Variants in COL10A1 observed in about 807,000 individuals in gnomAD.
The protein encoded by COL10A1 is collagen type X alpha 1 chain.
A neutral mutation model predicts 18.2 loss-of-function variants in COL10A1; 10 were observed. The observed-to-expected ratio is 0.55, with a 90% CI of 0.34 to 0.93. The LOEUF is 0.93. Among genes scored for constraint, COL10A1 ranks in the 40% least tolerant of loss-of-function variants. The pLI is 0.02. For missense variants in COL10A1, 897 were observed against 853.5 expected, an observed-to-expected ratio of 1.05 and a Z score of -0.64; for synonymous variants, 330 against 316.6, an observed-to-expected ratio of 1.04 and a Z score of -0.45.
the COL10A1 span, among the ~76,000 whole-genome samples, chr6:116,199,122 G>A: frequency 1.3e-5 from 2 of 151,880 alleles, no homozygotes; most frequent in Admixed American, 1.3e-4. Context: ...GGGGGTGAGG[G>A]GAGCTAAATC....
At chr6:116,162,953 C>T (rs1220312266), upstream of COL10A1, among the ~76,000 whole-genome samples, 1 of 151,624 alleles carries the variant, frequency 6.6e-6, no homozygotes, top group African/African-American at 2.4e-5. Flanking sequence ...TGGTGAAACC[C>T]CGTCTCTACT....
At chr6:116,125,531 T>A in intron 1 of COL10A1, 24 bp from the exon 2 acceptor site, 2 of 1,601,620 alleles carry the variant, frequency 1.2e-6, no homozygotes, top group Non-Finnish European at 1.7e-6. Context: ...AAGAATAACT[T>A]TATACAGCAT....
chr6:116,158,148 T>C (rs943441409), intron 1 of COL10A1, among the ~76,000 whole-genome samples: 1 of 152,204 alleles, frequency 6.6e-6, no homozygotes, highest in Admixed American at 6.5e-5. Context: ...ATTACTACAG[T>C]TTTTATTACA....
chr6:116,121,072 T>C lies in COL10A1; in HGVS notation c.1044A>G (p.Pro348=), dbSNP rs1395923208. 6.2e-7 allele frequency: 1 copy of C among 1,614,084 alleles called. No homozygotes were observed. Among genetic ancestry groups the C allele is most frequent in the Admixed American group, 1.7e-5 (1 of 60,034 alleles). Reference sequence around the variant, plus strand: ...GACCATGGCTACCCGGGATGCCTTTTGGTCCTTGGGGTCCCATATTCCCAG... The same window carrying C: ...GACCATGGCTACCCGGGATGCCTTTCGGTCCTTGGGGTCCCATATTCCCAG... ...GPPGNMGPQG[P]KGIPGSHGLP... is the part of the protein sequence containing the mutation. Residue 348 remains proline, a synonymous_variant, in exon 3 of 3, where the codon CCA becomes CCG. Transcript: ENST00000651968.
chr6:116,155,700 C>T (rs1166908744), intron 1 of COL10A1, among the ~76,000 whole-genome samples: 1 of 141,858 alleles, frequency 7.0e-6, no homozygotes, highest in Non-Finnish European at 1.5e-5. Context: ...CTAAAGGGCA[C>T]TGGGTGAATA....
the COL10A1 span, among the ~76,000 whole-genome samples, chr6:116,214,037 T>C: frequency 6.6e-6 from 1 of 152,126 alleles, no homozygotes; most frequent in Non-Finnish European, 1.5e-5. Flanking sequence ...TTCTTCTCCA[T>C]AATTTAATGA....
chr6:116,186,803 T>A, the COL10A1 span, among the ~76,000 whole-genome samples: 13 of 152,084 alleles, frequency 8.5e-5, no homozygotes, highest in Admixed American at 8.5e-4. Flanking sequence ...TTTTTTGATT[T>A]CTTTAAGTTG....
At chr6:116,135,028 T>G (rs2114342682) in intron 1 of COL10A1, among the ~76,000 whole-genome samples, 1 of 152,284 alleles carries the variant, frequency 6.6e-6, no homozygotes, top group East Asian at 1.9e-4. Flanking sequence ...ACTTTCCCAT[T>G]ATCTTTTACT....
the COL10A1 span, among the ~76,000 whole-genome samples, chr6:116,167,692 C>T: frequency 8.7e-4 from 132 of 152,196 alleles, no homozygotes; most frequent in African/African-American, 2.9e-3. Context: ...GGCAATGTTT[C>T]GGCTCAGTGA....
the COL10A1 span, among the ~76,000 whole-genome samples, chr6:116,204,768 T>C: frequency 2.1e-3 from 312 of 152,108 alleles, 6 homozygotes; most frequent in East Asian, 0.024. Context: ...GTTTCTAGAA[T>C]GTAAGGTCTA....
rs1165682613 is a variant in COL10A1 at position 116,119,059 on chromosome 6, G to A, written c.*1014C>T. 1.3e-5 allele frequency: 2 copies of A among 152,644 alleles called. No individual in the cohort carries two copies. The highest frequency in any genetic ancestry group is 4.8e-5 in the African/African-American group (2 of 41,450). The allele number at this position is 152,644 out of a possible 1,614,324, so 9.5% of individuals were successfully genotyped here. ...TGTTATTTTATTGCGTCGTAAATAA[G>A]GAGTAGGTAAAACATTTTGTGCTTT... is the stretch of plus-strand genomic sequence containing the variant. On this transcript the variant is annotated 3_prime_UTR_variant, in exon 3 of 3. Coordinates refer to ENST00000651968, the MANE Select transcript of COL10A1 (RefSeq NM_000493.4).
chr6:116,198,477 A>C, the COL10A1 span, among the ~76,000 whole-genome samples: 64,527 of 151,798 alleles, frequency 0.43, 17,644 homozygotes, highest in African/African-American at 0.78. Context: ...TGCTTATAAT[A>C]CCAGCAGTTT....
the COL10A1 span, among the ~76,000 whole-genome samples, chr6:116,205,854 G>C: frequency 3.9e-5 from 6 of 151,918 alleles, no homozygotes. Context: ...ATTCCATCCT[G>C]CTGTTTTCCT....
At chr6:116,137,020 T>G (rs1162306736) in intron 1 of COL10A1, 1 of 178,594 alleles carries the variant, frequency 5.6e-6, no homozygotes, top group East Asian at 1.5e-4. Context: ...AAGCTGGGCC[T>G]TTCCACACCA....
chr6:116,141,922 ACACACT>A (rs971745169), intron 1 of COL10A1, among the ~76,000 whole-genome samples: 1 of 145,544 alleles, frequency 6.9e-6, no homozygotes, highest in Non-Finnish European at 1.5e-5. Flanking sequence ...ACACACACAC[ACACACT>A]GTAAATGTGA....
intron 1 of COL10A1, chr6:116,145,415 T>C (rs1325930709): frequency 1.1e-5 from 4 of 348,938 alleles, no homozygotes; most frequent in Admixed American, 8.7e-5. Flanking sequence ...GCAAAACTTT[T>C]TCTGTTCTTT....
chr6:116,186,708 G>A, the COL10A1 span, among the ~76,000 whole-genome samples: 1 of 151,982 alleles, frequency 6.6e-6, no homozygotes, highest in Non-Finnish European at 1.5e-5. Flanking sequence ...CTCTAAGTGT[G>A]TCCTTGACTT....
upstream of COL10A1, among the ~76,000 whole-genome samples, chr6:116,126,622 C>T (rs998931606): frequency 6.6e-6 from 1 of 151,656 alleles, no homozygotes; most frequent in Non-Finnish European, 1.5e-5. Context: ...AATAGCTGAC[C>T]CCAATTCTTA....
chr6:116,210,146 C>T, the COL10A1 span, among the ~76,000 whole-genome samples: 5 of 151,846 alleles, frequency 3.3e-5, no homozygotes, highest in East Asian at 7.8e-4. Flanking sequence ...TACTTTTTTC[C>T]TCTGCAGAAA....
Sources: gnomAD v4.1 joint callset for allele counts (sites outside exome capture counted in the v4.1 genomes callset) on GRCh38, gnomAD v4.1.1 for gene constraint, MANE v1.5 for transcripts, NCBI Gene and HGNC (gene_info 2026-07-23, HGNC 2026-07-21) for gene names.